Variants in TTC4 observed in about 807,000 individuals in gnomAD.
The protein encoded by TTC4 is tetratricopeptide repeat domain 4.
A neutral mutation model predicts 51.9 loss-of-function variants in TTC4; 36 were observed. The ratio of observed to expected loss-of-function variants is 0.69; its 90% CI spans 0.53 to 0.92. The LOEUF is 0.92. TTC4 is among the 40% of genes least tolerant of loss of function. TTC4 has a pLI of 0.00. For missense variants in TTC4, 399 were observed against 454.6 expected, an observed-to-expected ratio of 0.88 and a Z score of 1.11; for synonymous variants, 144 against 164.2, an observed-to-expected ratio of 0.88 and a Z score of 0.94.
chr1:54,731,819 C>T (rs1645869107), intron 7 of TTC4, 119 bp downstream of exon 7: 1 of 963,004 alleles, frequency 1.0e-6, no homozygotes, highest in Admixed American at 2.6e-5. Context: ...GGGTTTCACA[C>T]CATCTGGTTT....
intron 9 of TTC4, among the ~76,000 whole-genome samples, chr1:54,738,953 A>C (rs563862019): frequency 1.3e-5 from 2 of 151,658 alleles, no homozygotes; most frequent in South Asian, 4.2e-4. Flanking sequence ...GAGCCACTGC[A>C]CCCGGCCAGC....
chr1:54,736,327 C>T (rs546954592), intron 8 of TTC4, among the ~76,000 whole-genome samples: 1 of 151,182 alleles, frequency 6.6e-6, no homozygotes. Context: ...AGGATTTTTT[C>T]TCCCTTTCTA....
Position 54,731,697 on chromosome 1 carries a change from C to G in TTC4, c.893C>G (p.Ser298Cys). The change falls in exon 7 of 10, where the codon TCC (serine) becomes TGC (cysteine). Residue 298 changes from serine (S) to cysteine (C), a missense_variant. Physicochemically the swap from Ser to Cys is moderately radical, Grantham distance 112. Around this residue, in one of 3 missense-constraint regions of TTC4, gnomAD observed 316 missense variants for 349.6 expected, o/e 0.90. Transcript: ENST00000371281. ...TTCATCTCTGCTTTTCATGAGGACT[C>G]CAGGTACTGACTTGCCCAGGAGCCC... is the stretch of plus-strand genomic sequence containing the variant. ...SDFISAFHED[S>C]RFIDHLMVMF... 1 of 1,613,752 alleles carries G rather than the reference C, an allele frequency of 6.2e-7. No individual in the cohort carries two copies. The highest frequency in any genetic ancestry group is 8.5e-7 in the Non-Finnish European group (1 of 1,179,882).
At chr1:54,717,211 C>G (rs996035479) in intron 2 of TTC4, among the ~76,000 whole-genome samples, 1 of 152,140 alleles carries the variant, frequency 6.6e-6, no homozygotes, top group African/African-American at 2.4e-5. Context: ...AAAAAAAATT[C>G]TTTTCTTCAA....
intron 4 of TTC4, 95 bp downstream of exon 4, chr1:54,721,335 T>A: frequency 8.2e-7 from 1 of 1,224,166 alleles, no homozygotes; most frequent in Non-Finnish European, 1.2e-6. Flanking sequence ...GTCTGGGTAT[T>A]AAGTTCCTGT....
At chr1:54,733,479 A>G (rs1645895110) in intron 7 of TTC4, 150 bp from the exon 8 acceptor site, 2 of 433,654 alleles carry the variant, frequency 4.6e-6, no homozygotes, top group Non-Finnish European at 8.2e-6. Context: ...AGTGATACAT[A>G]TACACATTTG....
rs1645692569 is a variant in TTC4 at position 54,717,662 on chromosome 1, T to A, written c.391+9T>A. The A allele has an allele frequency of 6.6e-7, 1 of 1,521,204 alleles. No individual in the cohort carries two copies. Among genetic ancestry groups the A allele is most frequent in the Non-Finnish European group, 8.8e-7 (1 of 1,136,136 alleles). The allele number at this position is 1,521,204 out of a possible 1,614,324, so 94.2% of individuals were successfully genotyped here. ...AGCACAGTACTATCTGGGTAATTTA[T>A]AAGTGCTTTCTGAAGAATAAACTTA... On this transcript the variant is annotated intron_variant, in intron 3 of 9. Coordinates refer to ENST00000371281, the MANE Select transcript of TTC4 (RefSeq NM_004623.5).
chr1:54,741,517 AGCCAGGGCC>A lies in TTC4; in HGVS notation c.*5_*13del. 1 of 1,612,724 alleles carries A rather than the reference AGCCAGGGCC, an allele frequency of 6.2e-7. No homozygotes were observed. Among genetic ancestry groups the A allele is most frequent in the Non-Finnish European group, 8.5e-7 (1 of 1,178,852 alleles). On this transcript the variant is annotated 3_prime_UTR_variant, in exon 10 of 10. Transcript: ENST00000371281. ...AAAGGTGTACCAGATACGATGACTA[AGCCAGGGCC>A]CCTGGATCTCCTCCCTTACCCTCCT...
chr1:54,729,480 G>C (rs1479177010), intron 6 of TTC4, among the ~76,000 whole-genome samples: 1 of 152,132 alleles, frequency 6.6e-6, no homozygotes, highest in Non-Finnish European at 1.5e-5. Context: ...ACATGTGTTA[G>C]AGCCGGGTCC....
chr1:54,722,918 C>T, intron 5 of TTC4, 119 bp downstream of exon 5: 3 of 1,317,940 alleles, frequency 2.3e-6, no homozygotes, highest in Non-Finnish European at 3.1e-6. Flanking sequence ...CTAGTCCCTA[C>T]TCCTGGAACT....
At position 54,717,654 on chromosome 1, in the gene TTC4, G is replaced by A; in HGVS notation, c.391+1G>A. On this transcript the variant is annotated splice_donor_variant, in intron 3 of 9. Coordinates refer to ENST00000371281, the MANE Select transcript of TTC4 (RefSeq NM_004623.5). LOFTEE classifies it high-confidence loss of function. ...CGGGCAGCAGCACAGTACTATCTGGGTAATTTATAAGTGCTTTCTGAAGAA... is the reference window on the plus strand; with the variant it reads ...CGGGCAGCAGCACAGTACTATCTGGATAATTTATAAGTGCTTTCTGAAGAA... The A allele has an allele frequency of 6.5e-7, 1 of 1,539,662 alleles. No homozygotes were observed. Among genetic ancestry groups the A allele is most frequent in the Non-Finnish European group, 8.7e-7 (1 of 1,146,314 alleles).
Position 54,741,468 on chromosome 1 carries a change from T to C in TTC4, c.1119T>C (p.Phe373=). The C allele has an allele frequency of 1.2e-6, 2 of 1,614,168 alleles. No homozygotes were observed. The change falls in exon 10 of 10, where the codon TTT becomes TTC. Residue 373 remains phenylalanine, a synonymous_variant. Coordinates refer to ENST00000371281, the MANE Select transcript of TTC4 (RefSeq NM_004623.5). ...TGGTCTGTGTAGGATCCTCTCCTTT[T>C]TGCAAGAATTTTCTCCGGGGGAGAA... ...AFLVCVGSSP[F]CKNFLRGRKV...
At chr1:54,722,931 G>A in intron 5 of TTC4, 132 bp downstream of exon 5, 1 of 1,214,220 alleles carries the variant, frequency 8.2e-7, no homozygotes, top group African/African-American at 1.5e-5. Context: ...CTGGAACTCT[G>A]TGGAGCACAC....
chr1:54,715,861 GCTCGCTTCAC>G lies in TTC4; in HGVS notation c.-47_-38del, dbSNP rs749639021. 4.7e-6 allele frequency: 7 copies of G among 1,478,422 alleles called. No individual in the cohort carries two copies. In the African/African-American group the frequency reaches 8.4e-5, roughly 18 times the overall value. 91.6% of individuals were successfully genotyped at this position (1,478,422 alleles called of 1,614,324 possible). On this transcript the variant is annotated 5_prime_UTR_variant, in exon 1 of 10. Transcript: ENST00000371281. ...GGAACCCGCGCCGCCGGAAGGAGCCGCTCGCTTCACGGCGCTGGGACCCGGGCTGGAAGGC... is the reference window on the plus strand; with the variant it reads ...GGAACCCGCGCCGCCGGAAGGAGCCGGGCGCTGGGACCCGGGCTGGAAGGC...
chr1:54,716,894 A>G (rs554573334), intron 2 of TTC4, among the ~76,000 whole-genome samples, 177 bp downstream of exon 2: 64 of 152,324 alleles, frequency 4.2e-4, no homozygotes, highest in Non-Finnish European at 2.4e-4. Context: ...TACAGGGGTG[A>G]ATAAGACACA....
At chr1:54,730,434 A>G (rs4927153) in intron 6 of TTC4, among the ~76,000 whole-genome samples, 2,011 of 152,294 alleles carry the variant, frequency 0.013, 17 homozygotes, top group Non-Finnish European at 0.02. Context: ...CCGTTGGAAC[A>G]CAGCCCTGCC....
Position 54,741,805 on chromosome 1 carries a change from C to T in TTC4, c.*292C>T, listed in dbSNP as rs960036701. On this transcript the variant is annotated 3_prime_UTR_variant, in exon 10 of 10. Coordinates refer to ENST00000371281, the MANE Select transcript of TTC4 (RefSeq NM_004623.5). ...CAGTTACCACAGCAACTGACCTGAG[C>T]GGCACCCTGGTCTGTGGAGATGGAC... 35 of 439,128 alleles carry T rather than the reference C, an allele frequency of 8.0e-5. No individual in the cohort carries two copies. The highest frequency in any genetic ancestry group is 3.4e-4 in the African/African-American group (17 of 50,670). 27.2% of individuals were successfully genotyped at this position (439,128 alleles called of 1,614,324 possible). A position where few individuals can be genotyped will look rare whatever the true frequency, so the allele number is the denominator to read the frequency against.
intron 9 of TTC4, among the ~76,000 whole-genome samples, chr1:54,738,798 G>C (rs555278135): frequency 6.6e-6 from 1 of 152,000 alleles, no homozygotes; most frequent in African/African-American, 2.4e-5. Context: ...GAGTAGCTGG[G>C]ATTACAGGCG....
chr1:54,738,814 C>T (rs1436596668), intron 9 of TTC4, among the ~76,000 whole-genome samples: 1 of 152,020 alleles, frequency 6.6e-6, no homozygotes, highest in Non-Finnish European at 1.5e-5. Context: ...AGGCGCCTGC[C>T]ACCATGCCTG....
Sources: allele counts gnomAD v4.1 joint callset (sites outside exome capture counted in the v4.1 genomes callset), GRCh38; gene constraint gnomAD v4.1.1; regional missense constraint gnomAD v4.1.1; transcripts MANE v1.5; gene names NCBI Gene and HGNC (gene_info 2026-07-23, HGNC 2026-07-21).